Variants in PARL observed in about 807,000 individuals in gnomAD.
PARL encodes presenilin-associated rhomboid-like protein, mitochondrial.
Under a neutral mutation model 51.6 loss-of-function variants are expected in PARL, and 44 were observed. That is an observed-to-expected ratio of 0.85 (90% CI 0.67 to 1.10). The LOEUF (loss-of-function observed/expected upper bound fraction) is 1.10. Among genes scored for constraint, PARL ranks in the 50% least tolerant of loss-of-function variants. PARL has a pLI of 0.00. For synonymous variants in PARL, 172 were observed against 164.0 expected (o/e 1.05, Z -0.37); for missense variants, 441 against 469.5 (o/e 0.94, Z 0.56).
At chr3:183,884,669 G>C in intron 1 of PARL, 53 bp downstream of exon 1, 4 of 1,553,332 alleles carry the variant, frequency 2.6e-6, no homozygotes, top group Middle Eastern at 2.0e-4. Context: ...GAGGATACAC[G>C]GCCAGAGCTC....
intron 3 of PARL, 144 bp downstream of exon 3, chr3:183,866,481 A>T: frequency 1.4e-6 from 1 of 714,080 alleles, no homozygotes; most frequent in Non-Finnish European, 2.5e-6. Context: ...TAAATGTTTA[A>T]GGTGATAGAT....
intron 4 of PARL, among the ~76,000 whole-genome samples, chr3:183,846,873 G>A (rs940078770): frequency 6.6e-6 from 1 of 152,204 alleles, no homozygotes; most frequent in African/African-American, 2.4e-5. Context: ...TTATAGATGA[G>A]AAAAACAGGC....
At chr3:183,883,684 CTA>C (rs1734807890) in intron 1 of PARL, 8 of 984,952 alleles carry the variant, frequency 8.1e-6, no homozygotes, top group South Asian at 4.7e-5. Context: ...CCTGACAGAT[CTA>C]TGTTAGTGTA....
chr3:183,840,574 C>T lies in PARL; in HGVS notation c.824G>A (p.Gly275Asp). ...ATTTACAATAGAAATACTTACTGCA[C>T]CAAGTGATGGTCCATATCTTCCTGT... The part of the protein sequence containing the change: ...VATGRYGPSL[G>D]ASGAIMTVLA... Residue 275 changes from glycine to aspartate, a missense_variant, in exon 7 of 10, where the codon GGT (glycine) becomes GAT (aspartate). Coordinates refer to ENST00000317096, the MANE Select transcript of PARL (RefSeq NM_018622.7). 1 of 1,463,308 alleles carries T rather than the reference C, an allele frequency of 6.8e-7. No individual in the cohort carries two copies. The highest frequency in any genetic ancestry group is 9.5e-7 in the Non-Finnish European group (1 of 1,055,612). 90.6% of individuals were successfully genotyped at this position (1,463,308 alleles called of 1,614,324 possible).
chr3:183,851,597 C>A (rs1168846289), intron 4 of PARL, among the ~76,000 whole-genome samples: 1 of 151,704 alleles, frequency 6.6e-6, no homozygotes, highest in Non-Finnish European at 1.5e-5. Context: ...AGTGATACAC[C>A]CCTTCACACT....
intron 4 of PARL, among the ~76,000 whole-genome samples, chr3:183,846,245 G>A (rs746763100): frequency 6.6e-6 from 1 of 152,068 alleles, no homozygotes; most frequent in Non-Finnish European, 1.5e-5. Flanking sequence ...AATCCCAGCA[G>A]TACTTTGGGA....
Position 183,884,861 on chromosome 3 carries a change from C to G in PARL, c.-15G>C. ...CGCCACGCCATCTTCCCAACCTCTG[C>G]CCCACCATGGCCCGACCTTACCAAC... On this transcript the variant is annotated 5_prime_UTR_variant, in exon 1 of 10. Coordinates refer to ENST00000317096, the MANE Select transcript of PARL (RefSeq NM_018622.7). 6.3e-7 allele frequency: 1 copy of G among 1,596,860 alleles called. No individual in the cohort carries two copies. Among genetic ancestry groups the G allele is most frequent in the Admixed American group, 1.7e-5 (1 of 59,936 alleles).
chr3:183,837,157 A>G (rs1289348311), intron 7 of PARL, among the ~76,000 whole-genome samples: 1 of 152,214 alleles, frequency 6.6e-6, no homozygotes, highest in Non-Finnish European at 1.5e-5. Context: ...AAAGCTAAGT[A>G]CAGCTAAAGA....
chr3:183,826,633 A>G, downstream of PARL: 1 of 985,412 alleles, frequency 1.0e-6, no homozygotes, highest in Non-Finnish European at 1.2e-6. Flanking sequence ...GTTGTAGCAA[A>G]GTGACATGAC....
chr3:183,842,013 T>C (rs1256558919), intron 6 of PARL, among the ~76,000 whole-genome samples: 1 of 152,184 alleles, frequency 6.6e-6, no homozygotes, highest in African/African-American at 2.4e-5. Context: ...ATTACAAAAA[T>C]GACATGCTTA....
intron 1 of PARL, among the ~76,000 whole-genome samples, chr3:183,876,679 T>C (rs909193285): frequency 7.4e-6 from 1 of 135,254 alleles, no homozygotes; most frequent in Non-Finnish European, 1.6e-5. Flanking sequence ...AAAAGAAATA[T>C]ATTTTGTAAG....
In PARL at chr3:183,868,122, A is replaced by G. The variant is rs929240667; in HGVS notation, c.126-62T>C. On this transcript the variant is annotated intron_variant, in intron 1 of 9. Transcript: ENST00000317096. ...CGTCTTGCAAATATCAACTTCTATG[A>G]ACCTCCACTTGGCCTGCATCATCAC... is the stretch of plus-strand genomic sequence containing the variant. 1.7e-5 allele frequency: 21 copies of G among 1,232,528 alleles called. No homozygotes were observed. The Admixed American group carries it at 3.6e-4, about 21-fold the overall frequency. 76.3% of individuals were successfully genotyped at this position (1,232,528 alleles called of 1,614,324 possible). A position where few individuals can be genotyped will look rare whatever the true frequency, so the allele number is the denominator to read the frequency against.
At chr3:183,866,818 T>C in intron 2 of PARL, 53 bp from the exon 3 acceptor site, 1 of 1,253,338 alleles carries the variant, frequency 8.0e-7, no homozygotes, top group Admixed American at 1.7e-5. Flanking sequence ...AATAGATCTA[T>C]ACATTATTTC....
chr3:183,869,269 T>C (rs1285379254), intron 1 of PARL, among the ~76,000 whole-genome samples: 1 of 149,728 alleles, frequency 6.7e-6, no homozygotes. Context: ...TACAATGACA[T>C]AATCTTGGCT....
rs190632056 is a variant in PARL at position 183,832,211 on chromosome 3, A to G, written c.1028+1281T>C. On this transcript the variant is annotated intron_variant, in intron 9 of 9. Transcript: ENST00000317096. The stretch of plus-strand genomic sequence containing the variant: ...TACTGGGAAAAACTGCTTCACTTAG[A>G]ATAGATTTTTCTTTTTTTTTTTTTT... Among the ~76,000 whole-genome samples the G allele has an allele frequency of 1.3e-4, 20 of 151,790 alleles. No homozygotes were observed. In the East Asian group the frequency reaches 3.5e-3, roughly 26 times the overall value.
chr3:183,844,125 A>G, intron 5 of PARL, 106 bp downstream of exon 5: 1 of 811,264 alleles, frequency 1.2e-6, no homozygotes, highest in South Asian at 1.4e-5. Context: ...TTTTGCTTGT[A>G]GCTATTGATA....
At chr3:183,865,627 T>C (rs1490207825) in intron 3 of PARL, among the ~76,000 whole-genome samples, 1 of 152,134 alleles carries the variant, frequency 6.6e-6, no homozygotes, top group Non-Finnish European at 1.5e-5. Context: ...TGATCTGAGG[T>C]GGAACAGTTT....
chr3:183,848,493 G>A (rs905046667), intron 4 of PARL, among the ~76,000 whole-genome samples: 10 of 152,044 alleles, frequency 6.6e-5, no homozygotes, highest in African/African-American at 1.7e-4. Context: ...TGCCCGCGTC[G>A]GCCTCCCAAA....
At chr3:183,878,289 A>G (rs1734071972) in intron 1 of PARL, among the ~76,000 whole-genome samples, 1 of 152,180 alleles carries the variant, frequency 6.6e-6, no homozygotes, top group Non-Finnish European at 1.5e-5. Flanking sequence ...AGGTCTTCTG[A>G]GGCCGACTCT....
Sources: allele counts gnomAD v4.1 joint callset (sites outside exome capture counted in the v4.1 genomes callset), GRCh38; gene constraint gnomAD v4.1.1; transcripts MANE v1.5; gene names NCBI Gene and HGNC (gene_info 2026-07-23, HGNC 2026-07-21).